Variants in SLC24A3 observed in about 807,000 individuals in gnomAD.
The protein encoded by SLC24A3 is sodium/potassium/calcium exchanger 3.
Under a neutral mutation model 75.8 loss-of-function variants are expected in SLC24A3, and 28 were observed. The ratio of observed to expected loss-of-function variants is 0.37; its 90% CI spans 0.27 to 0.51. SLC24A3 has a LOEUF of 0.51. Among genes scored for constraint, SLC24A3 ranks in the 20% least tolerant of loss-of-function variants. The probability of loss-of-function intolerance (pLI) is 0.94; values close to 1 mark genes in which losing one functional copy is unlikely to be tolerated. For missense variants in SLC24A3, 663 were observed against 847.8 expected (o/e 0.78, Z 2.71); for synonymous variants, 372 against 334.1 (o/e 1.11, Z -1.24).
At chr20:19,541,852 C>T (rs749719495) in intron 3 of SLC24A3, among the ~76,000 whole-genome samples, 17 of 152,214 alleles carry the variant, frequency 1.1e-4, no homozygotes, top group Non-Finnish European at 1.9e-4. Context: ...GAGGTTTGCA[C>T]ATCCTTACCT....
intron 2 of SLC24A3, among the ~76,000 whole-genome samples, chr20:19,331,850 A>G (rs1985006941): frequency 6.6e-6 from 1 of 152,206 alleles, no homozygotes; most frequent in Non-Finnish European, 1.5e-5. Flanking sequence ...GAAAAAGGGA[A>G]TGAGGAATAG....
chr20:19,703,262 A>C (rs920464024), intron 15 of SLC24A3, among the ~76,000 whole-genome samples: 7 of 152,130 alleles, frequency 4.6e-5, no homozygotes, highest in African/African-American at 1.7e-4. Flanking sequence ...GCCCAAATAC[A>C]TCCTCACACT....
chr20:19,292,577 T>G (rs1227286164), intron 2 of SLC24A3, among the ~76,000 whole-genome samples: 1 of 152,144 alleles, frequency 6.6e-6, no homozygotes, highest in Non-Finnish European at 1.5e-5. Context: ...GGTAAATTTA[T>G]AGAAAAATCA....
chr20:19,666,302 C>T (rs148366787), intron 8 of SLC24A3, among the ~76,000 whole-genome samples: 255 of 151,790 alleles, frequency 1.7e-3, no homozygotes, highest in African/African-American at 5.6e-3. Flanking sequence ...GTCAGGAGAT[C>T]GAGACCATCC....
At chr20:19,308,725 C>T (rs1022076307) in intron 2 of SLC24A3, among the ~76,000 whole-genome samples, 4 of 152,182 alleles carry the variant, frequency 2.6e-5, no homozygotes, top group South Asian at 2.1e-4. Context: ...TTTATTTCAT[C>T]GTTAAGGAGC....
intron 3 of SLC24A3, among the ~76,000 whole-genome samples, chr20:19,548,708 TG>T (rs1023543340): frequency 2.0e-5 from 3 of 152,206 alleles, no homozygotes; most frequent in African/African-American, 7.2e-5. Flanking sequence ...CTGACTAGGT[TG>T]GACCCACCAA....
intron 16 of SLC24A3, among the ~76,000 whole-genome samples, chr20:19,720,680 G>A (rs762857897): frequency 3.9e-5 from 6 of 152,154 alleles, no homozygotes; most frequent in Non-Finnish European, 8.8e-5. Context: ...CAGATGAAGG[G>A]CCCACAGGGG....
chr20:19,447,582 A>C (rs1276946651), intron 2 of SLC24A3, among the ~76,000 whole-genome samples: 2 of 152,204 alleles, frequency 1.3e-5, no homozygotes, highest in African/African-American at 4.8e-5. Flanking sequence ...AAATAAAACA[A>C]AACAAATAAA....
chr20:19,651,831 A>G (rs1721844694), intron 6 of SLC24A3, among the ~76,000 whole-genome samples: 1 of 147,258 alleles, frequency 6.8e-6, no homozygotes, highest in African/African-American at 2.5e-5. Context: ...ACTGCACTCC[A>G]GCCTGGGTGA....
intron 2 of SLC24A3, among the ~76,000 whole-genome samples, chr20:19,402,608 T>C (rs1986572132): frequency 6.6e-6 from 1 of 152,278 alleles, no homozygotes; most frequent in East Asian, 1.9e-4. Context: ...AAACAGAACA[T>C]TTAAAATCTA....
intron 6 of SLC24A3, among the ~76,000 whole-genome samples, chr20:19,649,320 A>C (rs1439041085): frequency 6.6e-6 from 1 of 152,234 alleles, no homozygotes; most frequent in East Asian, 1.9e-4. Flanking sequence ...GAGGGTATTC[A>C]TGTTTGTGAA....
chr20:19,557,710 C>G (rs2030811726), intron 3 of SLC24A3, among the ~76,000 whole-genome samples: 1 of 152,214 alleles, frequency 6.6e-6, no homozygotes, highest in Non-Finnish European at 1.5e-5. Flanking sequence ...TTACACAAAA[C>G]TAATCACTTG....
intron 6 of SLC24A3, among the ~76,000 whole-genome samples, chr20:19,643,928 G>A (rs2032103796): frequency 6.6e-6 from 1 of 152,140 alleles, no homozygotes; most frequent in African/African-American, 2.4e-5. Context: ...TAATGTGACA[G>A]GTATACATTT....
chr20:19,637,279 C>A (rs1280671909), intron 6 of SLC24A3, among the ~76,000 whole-genome samples: 1 of 152,196 alleles, frequency 6.6e-6, no homozygotes, highest in Non-Finnish European at 1.5e-5. Flanking sequence ...CCAGCCTGGG[C>A]AACAGAGCAA....
chr20:19,292,522 G>A (rs770449382), intron 2 of SLC24A3, among the ~76,000 whole-genome samples: 2 of 152,188 alleles, frequency 1.3e-5, no homozygotes, highest in African/African-American at 2.4e-5. Flanking sequence ...CTTTTTCTGG[G>A]GAACGGGAAT....
Position 19,472,066 on chromosome 20 carries a change from T to C in SLC24A3, c.272-43422T>C, listed in dbSNP as rs181496160. Reference sequence around the variant, plus strand: ...TGTTTCTTTTAAAATTCCTGTTGTGTAGAGCAGAAGTTCTTAATTTGGGGT... The same window carrying C: ...TGTTTCTTTTAAAATTCCTGTTGTGCAGAGCAGAAGTTCTTAATTTGGGGT... On this transcript the variant is annotated intron_variant, in intron 2 of 16. Coordinates refer to ENST00000328041, the MANE Select transcript of SLC24A3 (RefSeq NM_020689.4). 2.1e-3 allele frequency among the ~76,000 whole-genome samples: 315 copies of C among 152,346 alleles called. 1 individual carries two copies. Among genetic ancestry groups the C allele is most frequent in the Non-Finnish European group, 3.7e-3 (249 of 68,016 alleles).
rs201821049 is a variant in SLC24A3 at position 19,542,898 on chromosome 20, A to G, written c.348+27334A>G. On this transcript the variant is annotated intron_variant, in intron 3 of 16. Coordinates refer to ENST00000328041, the MANE Select transcript of SLC24A3 (RefSeq NM_020689.4). ...TCAGGCTGACCTAATTCTCCTTAAC[A>G]GAGTGACCTAGGGAGGGTTACTACT... is the stretch of plus-strand genomic sequence containing the variant. 2.6e-5 allele frequency among the ~76,000 whole-genome samples: 4 copies of G among 152,318 alleles called. No homozygotes were observed. The East Asian group carries it at 7.7e-4, about 29-fold the overall frequency.
chr20:19,325,233 G>A (rs1984810615), intron 2 of SLC24A3, among the ~76,000 whole-genome samples: 1 of 151,268 alleles, frequency 6.6e-6, no homozygotes, highest in South Asian at 2.1e-4. Flanking sequence ...TTCCAGCCTG[G>A]GAAACATGGT....
intron 2 of SLC24A3, among the ~76,000 whole-genome samples, chr20:19,513,768 A>G (rs2029931155): frequency 6.7e-6 from 1 of 149,242 alleles, no homozygotes; most frequent in Non-Finnish European, 1.5e-5. Context: ...TTGAGATATT[A>G]TTGACGTATA....
Sources: gnomAD v4.1 joint callset for allele counts (sites outside exome capture counted in the v4.1 genomes callset) on GRCh38, gnomAD v4.1.1 for gene constraint, MANE v1.5 for transcripts, NCBI Gene and HGNC (gene_info 2026-07-23, HGNC 2026-07-21) for gene names.